IL7R: variants seen among roughly 807,000 people sequenced by gnomAD.
IL7R encodes the protein interleukin 7 receptor, also known as interleukin-7 receptor subunit alpha.
IL7R carries 38 observed loss-of-function variants against 47.0 expected under a neutral mutation model. The observed-to-expected ratio is 0.81, with a 90% CI of 0.62 to 1.06. IL7R has a LOEUF of 1.06. Ranked by LOEUF, IL7R falls within the 50% of genes least tolerant of loss-of-function variation. IL7R has a pLI of 0.00. For missense variants in IL7R, 633 were observed against 534.8 expected, an observed-to-expected ratio of 1.18 and a Z score of -1.81; for synonymous variants, 221 against 199.8, an observed-to-expected ratio of 1.11 and a Z score of -0.89.
intron 2 of IL7R, among the ~76,000 whole-genome samples, chr5:35,861,907 A>G (rs1759829837): frequency 3.9e-5 from 6 of 152,158 alleles, no homozygotes; most frequent in Admixed American, 3.9e-4. Flanking sequence ...TAGTGAGCAA[A>G]GTAAATCAAG....
intron 1 of IL7R, 56 bp downstream of exon 1, chr5:35,857,115 G>A: frequency 2.7e-6 from 3 of 1,116,528 alleles, no homozygotes; most frequent in Non-Finnish European, 4.1e-6. Context: ...CATGGTTTCA[G>A]GTTATTCAGT....
chr5:35,869,267 C>T (rs1242851180), intron 3 of IL7R, among the ~76,000 whole-genome samples: 1 of 152,184 alleles, frequency 6.6e-6, no homozygotes, highest in Non-Finnish European at 1.5e-5. Context: ...ATCCTGCCTT[C>T]CCACTTCTCT....
At chr5:35,866,276 ATAAT>A (rs1759937389) in intron 2 of IL7R, among the ~76,000 whole-genome samples, 2 of 152,108 alleles carry the variant, frequency 1.3e-5, no homozygotes, top group Admixed American at 1.3e-4. Flanking sequence ...GCCCTACTTT[ATAAT>A]TATGTATTAA....
At chr5:35,863,399 C>A (rs559994994) in intron 2 of IL7R, among the ~76,000 whole-genome samples, 2 of 152,236 alleles carry the variant, frequency 1.3e-5, no homozygotes, top group South Asian at 4.2e-4. Context: ...CGAAGCCAGA[C>A]AAACAGGTTC....
Position 35,867,254 on chromosome 5 carries a change from C to A in IL7R, c.222-52C>A, listed in dbSNP as rs549933503. The A allele has an allele frequency of 9.3e-6, 14 of 1,501,506 alleles. No homozygotes were observed. The African/African-American group carries it at 1.7e-4, about 18-fold the overall frequency. 93.0% of individuals were successfully genotyped at this position (1,501,506 alleles called of 1,614,324 possible). A position where few individuals can be genotyped will look rare whatever the true frequency, so the allele number is the denominator to read the frequency against. The stretch of plus-strand genomic sequence containing the variant: ...ATGTGCATATGATACTATTCCACTG[C>A]ATACAGGAACTCCTACCTGAATCAA... On this transcript the variant is annotated intron_variant, in intron 2 of 7. Coordinates refer to ENST00000303115, the MANE Select transcript of IL7R (RefSeq NM_002185.5).
rs748731611 is a variant in IL7R, at chr5:35,876,365, C to A, written c.1259C>A (p.Ser420Tyr). The A allele has an allele frequency of 1.9e-6, 3 of 1,613,300 alleles. No homozygotes were observed. The South Asian group carries it at 3.3e-5, about 18-fold the overall frequency. The change falls in exon 8 of 8, where the codon TCT becomes TAT. Residue 420 changes from serine (S) to tyrosine (Y), a missense_variant. Coordinates refer to ENST00000303115, the MANE Select transcript of IL7R (RefSeq NM_002185.5). Reference protein sequence around the residue: ...TTNSTLPPPFSLQSGILTLNP... With the variant: ...TTNSTLPPPFYLQSGILTLNP... ...AACAGCACGCTGCCCCCTCCATTTTCTCTCCAATCTGGAATCCTGACATTG... is the reference window on the plus strand; with the variant it reads ...AACAGCACGCTGCCCCCTCCATTTTATCTCCAATCTGGAATCCTGACATTG...
chr5:35,859,691 T>A (rs1355008286), intron 1 of IL7R, among the ~76,000 whole-genome samples: 1 of 152,180 alleles, frequency 6.6e-6, no homozygotes, highest in African/African-American at 2.4e-5. Context: ...ACTTTCCCAT[T>A]TTCCCTACTG....
chr5:35,874,511 G>C lies in IL7R; in HGVS notation c.769G>C (p.Val257Leu), dbSNP rs1272007367. Reference protein sequence around the residue: ...ILSFFSVALLVILACVLWKKR... With the variant: ...ILSFFSVALLLILACVLWKKR... Reference sequence around the variant, plus strand: ...GAGTTTTTTCTCTGTCGCTCTGTTGGTCATCTTGGCCTGTGTGTTATGGAA... The same window carrying C: ...GAGTTTTTTCTCTGTCGCTCTGTTGCTCATCTTGGCCTGTGTGTTATGGAA... Residue 257 changes from valine to leucine, a missense_variant, in exon 6 of 8, where the codon GTC (valine) becomes CTC (leucine). Val to Leu is a conservative substitution (Grantham distance 32). Transcript: ENST00000303115. The C allele has an allele frequency of 1.2e-6, 2 of 1,613,478 alleles. No homozygotes were observed. The highest frequency in any genetic ancestry group is 1.7e-6 in the Non-Finnish European group (2 of 1,179,492).
Position 35,879,463 on chromosome 5 carries a change from A to G in IL7R, c.*2977A>G. 4.3e-6 allele frequency: 1 copy of G among 232,570 alleles called. No individual in the cohort carries two copies. Among genetic ancestry groups the G allele is most frequent in the Non-Finnish European group, 8.5e-6 (1 of 117,620 alleles). 14.4% of individuals were successfully genotyped at this position (232,570 alleles called of 1,614,324 possible). A position where few individuals can be genotyped will look rare whatever the true frequency, so the allele number is the denominator to read the frequency against. On this transcript the variant is annotated 3_prime_UTR_variant, in exon 8 of 8. Coordinates refer to ENST00000303115, the MANE Select transcript of IL7R (RefSeq NM_002185.5). ...GTTGGGACTATTCTTTAAAATATCC[A>G]TTGTTCACTACAGTGAAGATCTCTG...
chr5:35,876,407 G>A lies in IL7R; in HGVS notation c.1301G>A (p.Gly434Asp), dbSNP rs1760218817. Residue 434 changes from glycine (G) to aspartate (D), a missense_variant, in exon 8 of 8, where the codon GGT becomes GAT. Gly to Asp is a moderately conservative substitution (Grantham distance 94). Coordinates refer to ENST00000303115, the MANE Select transcript of IL7R (RefSeq NM_002185.5). ...GILTLNPVAQGQPILTSLGSN... is the reference protein window; with the variant it reads ...GILTLNPVAQDQPILTSLGSN... Reference sequence around the variant, plus strand: ...CTGACATTGAACCCAGTTGCTCAGGGTCAGCCCATTCTTACTTCCCTGGGA... The same window carrying A: ...CTGACATTGAACCCAGTTGCTCAGGATCAGCCCATTCTTACTTCCCTGGGA... 1 of 1,612,816 alleles carries A rather than the reference G, an allele frequency of 6.2e-7. No individual in the cohort carries two copies. The highest frequency in any genetic ancestry group is 1.7e-5 in the Admixed American group (1 of 59,984).
rs1292336544 is a variant in IL7R, at chr5:35,874,551, C to A, written c.800+9C>A. 1 of 1,579,676 alleles carries A rather than the reference C, an allele frequency of 6.3e-7. No homozygotes were observed. The highest frequency in any genetic ancestry group is 8.7e-7 in the Non-Finnish European group (1 of 1,148,582). On this transcript the variant is annotated intron_variant, in intron 6 of 7. Coordinates refer to ENST00000303115, the MANE Select transcript of IL7R (RefSeq NM_002185.5). ...GTGTTATGGAAAAAAAGGTGACCTTCTTCAACTAATAAAGAGGGTGATTGT... is the reference window on the plus strand; with the variant it reads ...GTGTTATGGAAAAAAAGGTGACCTTATTCAACTAATAAAGAGGGTGATTGT...
In IL7R at chr5:35,867,751, G is replaced by A; in HGVS notation, c.379+288G>A. ...GGGCTTCCTGTCATCCATCACAGGTGTCCTTTCCTTCCTTATCTGTCCTTT... is the reference window on the plus strand; with the variant it reads ...GGGCTTCCTGTCATCCATCACAGGTATCCTTTCCTTCCTTATCTGTCCTTT... On this transcript the variant is annotated intron_variant, in intron 3 of 7. Coordinates refer to ENST00000303115, the MANE Select transcript of IL7R (RefSeq NM_002185.5). 3.4e-6 allele frequency: 2 copies of A among 595,010 alleles called. No individual in the cohort carries two copies. The highest frequency in any genetic ancestry group is 5.9e-6 in the Non-Finnish European group (2 of 337,156). The allele number at this position is 595,010 out of a possible 1,614,324, so 36.9% of individuals were successfully genotyped here.
rs531884644 is a variant in IL7R, at chr5:35,876,900, G to A, written c.*414G>A. 6 of 282,742 alleles carry A rather than the reference G, an allele frequency of 2.1e-5. No individual in the cohort carries two copies. Among genetic ancestry groups the A allele is most frequent in the Non-Finnish European group, 3.4e-5 (5 of 147,944 alleles). 17.5% of individuals were successfully genotyped at this position (282,742 alleles called of 1,614,324 possible). ...ATCCAGTGCTTTGCAAGTGCTCTGC[G>A]CACCTTGTCTCACTCCATCCTGACA... On this transcript the variant is annotated 3_prime_UTR_variant, in exon 8 of 8. Coordinates refer to ENST00000303115, the MANE Select transcript of IL7R (RefSeq NM_002185.5).
rs138981776 is a variant in IL7R at position 35,857,028 on chromosome 5, C to T, written c.51C>T (p.Val17=). Residue 17 remains valine (V), a synonymous_variant, in exon 1 of 8, where the codon GTC becomes GTT. Transcript: ENST00000303115. ...GCATGGTTTTTTCTTTACTTCAAGT[C>T]GTTTCTGGAGAAAGTGGCTATGCTC... ...TFGMVFSLLQ[V]VSGESGYAQN... 222 of 1,609,420 alleles carry T rather than the reference C, an allele frequency of 1.4e-4. No homozygotes were observed. The highest frequency in any genetic ancestry group is 1.8e-4 in the Non-Finnish European group (210 of 1,176,478).
rs1165033085 is a variant in IL7R at position 35,876,151 on chromosome 5, T to G, written c.1045T>G (p.Cys349Gly). 3.7e-6 allele frequency: 6 copies of G among 1,614,010 alleles called. No individual in the cohort carries two copies. Among genetic ancestry groups the G allele is most frequent in the Non-Finnish European group, 5.1e-6 (6 of 1,180,004 alleles). The change falls in exon 8 of 8, where the codon TGC (cysteine) becomes GGC (glycine). Residue 349 changes from cysteine (C) to glycine (G), a missense_variant. Transcript: ENST00000303115. ...TGGAGGGGATGTGCAGAGCCCCAAC[T>G]GCCCATCTGAGGATGTAGTCATCAC... ...RLGGDVQSPN[C>G]PSEDVVITPE...
chr5:35,865,874 T>C (rs1759926670), intron 2 of IL7R, among the ~76,000 whole-genome samples: 2 of 152,182 alleles, frequency 1.3e-5, no homozygotes, highest in Admixed American at 1.3e-4. Flanking sequence ...TCAATGGCCA[T>C]CAGAGAAACG....
chr5:35,873,990 A>C (rs895381335), intron 5 of IL7R, among the ~76,000 whole-genome samples: 1 of 152,170 alleles, frequency 6.6e-6, no homozygotes, highest in African/African-American at 2.4e-5. Context: ...CCCTTTAAGA[A>C]GCACCTTTAT....
At position 35,857,073 on chromosome 5, in the gene IL7R, A is replaced by T. The variant is rs1038024322; in HGVS notation, c.82+14A>T. On this transcript the variant is annotated intron_variant, in intron 1 of 7. Transcript: ENST00000303115. ...ATGCTCAAAATGGTGAGTCATTTCTAAGTTTTCTTATGGATTTTGGATTAT... is the reference window on the plus strand; with the variant it reads ...ATGCTCAAAATGGTGAGTCATTTCTTAGTTTTCTTATGGATTTTGGATTAT... 6 of 1,505,436 alleles carry T rather than the reference A, an allele frequency of 4.0e-6. No homozygotes were observed. Among genetic ancestry groups the T allele is most frequent in the Non-Finnish European group, 5.5e-6 (6 of 1,081,636 alleles). 93.3% of individuals were successfully genotyped at this position (1,505,436 alleles called of 1,614,324 possible).
In IL7R at chr5:35,859,467, A is replaced by G. The variant is rs1759744978; in HGVS notation, c.83-1385A>G. On this transcript the variant is annotated intron_variant, in intron 1 of 7. Coordinates refer to ENST00000303115, the MANE Select transcript of IL7R (RefSeq NM_002185.5). The stretch of plus-strand genomic sequence containing the variant: ...CTCATTATTTCGTGCTGTCATCAGA[A>G]GGAGGGCCATACCCTGCTGAAACTA... Among the ~76,000 whole-genome samples, 3 of 152,280 alleles carry G rather than the reference A, an allele frequency of 2.0e-5. No individual in the cohort carries two copies. The South Asian group carries it at 6.2e-4, about 32-fold the overall frequency.
Sources: allele counts gnomAD v4.1 joint callset (sites outside exome capture counted in the v4.1 genomes callset), GRCh38; gene constraint gnomAD v4.1.1; transcripts MANE v1.5; gene names NCBI Gene and HGNC (gene_info 2026-07-23, HGNC 2026-07-21).